The following NRG1 variants were observed in gnomAD, a reference collection of about 807,000 sequenced individuals.
NRG1 encodes the protein neuregulin 1.
NRG1 carries 18 observed loss-of-function variants against 63.8 expected under a neutral mutation model. The ratio of observed to expected loss-of-function variants is 0.28; its 90% CI spans 0.19 to 0.42. The LOEUF is 0.42. Ranked by LOEUF, NRG1 falls within the 10% of genes least tolerant of loss-of-function variation. NRG1 has a pLI of 1.00. For missense variants in NRG1, 762 were observed against 814.7 expected (o/e 0.94, Z 0.79); for synonymous variants, 302 against 301.3 (o/e 1.00, Z -0.02).
intron 5 of NRG1, among the ~76,000 whole-genome samples, chr8:32,657,562 G>T (rs1297211023): frequency 1.3e-5 from 2 of 152,156 alleles, no homozygotes; most frequent in African/African-American, 4.8e-5. Context: ...ATGACTTTCA[G>T]TGTTGCCTCT....
intron 1 of NRG1, among the ~76,000 whole-genome samples, chr8:31,673,076 C>T (rs1585564916): frequency 6.6e-6 from 1 of 151,700 alleles, no homozygotes. Context: ...ATCAAAATTC[C>T]TTCTCTTTCT....
chr8:32,440,163 G>A (rs1257378816), intron 1 of NRG1, among the ~76,000 whole-genome samples: 2 of 151,970 alleles, frequency 1.3e-5, no homozygotes, highest in African/African-American at 2.4e-5. Flanking sequence ...ATCAGATCTC[G>A]AGATAACTCA....
chr8:32,755,220 A>G (rs905234544), intron 8 of NRG1, among the ~76,000 whole-genome samples: 1 of 152,150 alleles, frequency 6.6e-6, no homozygotes, highest in African/African-American at 2.4e-5. Flanking sequence ...TAACAAATTC[A>G]ATTACTATGT....
At chr8:32,296,979 G>A (rs1854966332) in intron 1 of NRG1, among the ~76,000 whole-genome samples, 1 of 151,968 alleles carries the variant, frequency 6.6e-6, no homozygotes, top group Non-Finnish European at 1.5e-5. Flanking sequence ...GCTGGGCGTG[G>A]TGGCCCGCAC....
intron 1 of NRG1, among the ~76,000 whole-genome samples, chr8:31,681,784 G>C (rs992715531): frequency 6.6e-6 from 1 of 151,284 alleles, no homozygotes; most frequent in Admixed American, 6.6e-5. Flanking sequence ...TACTTGCTTG[G>C]AAAATTTTAG....
intron 1 of NRG1, chr8:32,441,244 A>G (rs1391827642): frequency 6.6e-6 from 1 of 152,152 alleles, no homozygotes; most frequent in Non-Finnish European, 1.5e-5. Context: ...TCTATGAACA[A>G]CCAGATGCAA....
intron 1 of NRG1, among the ~76,000 whole-genome samples, chr8:32,273,584 C>T (rs1055229843): frequency 2.0e-5 from 3 of 152,142 alleles, no homozygotes; most frequent in African/African-American, 7.2e-5. Context: ...AATTAAAGCA[C>T]CATTTGAGAA....
In NRG1 at chr8:32,760,409, A is replaced by C. The variant is rs200312886; in HGVS notation, c.1259+3A>C. ...CGAGACTCTCCTCATAGTGAAAGGT[A>C]AAACCGAAGGGCAAAGCTACTGCAG... is the stretch of plus-strand genomic sequence containing the variant. On this transcript the variant is annotated splice_donor_region_variant and intron_variant, in intron 11 of 11. Coordinates refer to ENST00000356819, the Ensembl canonical transcript of NRG1. 6.2e-7 allele frequency: 1 copy of C among 1,613,330 alleles called. No homozygotes were observed. The highest frequency in any genetic ancestry group is 8.5e-7 in the Non-Finnish European group (1 of 1,179,872).
At position 32,631,170 on chromosome 8, in the gene NRG1, A is replaced by T. The variant is rs373745072; in HGVS notation, c.502+14285A>T. On this transcript the variant is annotated intron_variant, in intron 5 of 11. Coordinates refer to ENST00000356819, the Ensembl canonical transcript of NRG1. The stretch of plus-strand genomic sequence containing the variant: ...ACAGATACTGTAGTAACTTTTTTTA[A>T]AAAAAAGAATGTATTATTGTAATTA... Among the ~76,000 whole-genome samples the T allele has an allele frequency of 2.5e-4, 35 of 139,256 alleles. No individual in the cohort carries two copies. The South Asian group carries it at 6.4e-3, about 25-fold the overall frequency. The allele number at this position is 139,256 out of a possible 152,430, so 91.4% of individuals were successfully genotyped here.
chr8:32,412,449 T>TAC lies in NRG1; in HGVS notation c.38-183378_38-183377insCA, dbSNP rs1252011891. ...ATATATATATATATATATATATATA[T>TAC]ATACATATATATATATATATATATA... On this transcript the variant is annotated intron_variant, in intron 1 of 10. Coordinates refer to the NRG1 transcript ENST00000519301. Among the ~76,000 whole-genome samples, 170 of 61,344 alleles carry TAC rather than the reference T, an allele frequency of 2.8e-3. 1 individual carries two copies. The highest frequency in any genetic ancestry group is 4.5e-3 in the Admixed American group (24 of 5,310). 40.2% of individuals were successfully genotyped at this position (61,344 alleles called of 152,430 possible). A position where few individuals can be genotyped will look rare whatever the true frequency, so the allele number is the denominator to read the frequency against.
intron 1 of NRG1, among the ~76,000 whole-genome samples, chr8:31,836,918 C>T (rs946477334): frequency 5.3e-5 from 8 of 152,042 alleles, no homozygotes; most frequent in African/African-American, 1.9e-4. Context: ...AATCTCTATG[C>T]CTTCATCAAC....
At chr8:32,450,007 C>T (rs1033631336) in intron 1 of NRG1, among the ~76,000 whole-genome samples, 1 of 152,032 alleles carries the variant, frequency 6.6e-6, no homozygotes, top group Non-Finnish European at 1.5e-5. Flanking sequence ...AAGAGATCAT[C>T]GGAGCCAAAG....
chr8:32,382,385 G>A (rs1480657048), intron 1 of NRG1, among the ~76,000 whole-genome samples: 1 of 152,092 alleles, frequency 6.6e-6, no homozygotes, highest in African/African-American at 2.4e-5. Flanking sequence ...TGATTTCTGG[G>A]TTCAGAAGAT....
chr8:32,462,793 A>G (rs1822489927), intron 1 of NRG1, among the ~76,000 whole-genome samples: 1 of 151,732 alleles, frequency 6.6e-6, no homozygotes, highest in African/African-American at 2.4e-5. Context: ...GGGTAGAGAC[A>G]GGGTTTCACC....
At chr8:32,713,707 TA>T (rs1225801211) in intron 5 of NRG1, among the ~76,000 whole-genome samples, 2 of 146,792 alleles carry the variant, frequency 1.4e-5, no homozygotes, top group African/African-American at 4.9e-5. Context: ...TAAATATATA[TA>T]ATAATATATT....
chr8:31,715,334 T>C (rs1047445367), intron 1 of NRG1, among the ~76,000 whole-genome samples: 7 of 152,022 alleles, frequency 4.6e-5, no homozygotes, highest in African/African-American at 1.7e-4. Context: ...AAAGAAAAAA[T>C]GAATCAATTT....
intron 1 of NRG1, among the ~76,000 whole-genome samples, chr8:31,675,778 T>C (rs1284606841): frequency 1.3e-5 from 2 of 152,166 alleles, no homozygotes; most frequent in Non-Finnish European, 2.9e-5. Context: ...CTTCCATAAA[T>C]ATGATCACAT....
At chr8:31,715,880 A>T (rs1233548224) in intron 1 of NRG1, among the ~76,000 whole-genome samples, 4 of 152,238 alleles carry the variant, frequency 2.6e-5, no homozygotes, top group Admixed American at 2.6e-4. Flanking sequence ...TTTACCTGAC[A>T]TATGAATTAT....
intron 1 of NRG1, among the ~76,000 whole-genome samples, chr8:32,302,392 GA>G (rs1213803630): frequency 6.6e-6 from 1 of 152,170 alleles, no homozygotes; most frequent in African/African-American, 2.4e-5. Flanking sequence ...AGGTCAGTGG[GA>G]AAAGGGAGAA....
Sources: gnomAD v4.1 joint callset for allele counts (sites outside exome capture counted in the v4.1 genomes callset) on GRCh38, gnomAD v4.1.1 for gene constraint, MANE v1.5 for transcripts, NCBI Gene and HGNC (gene_info 2026-07-23, HGNC 2026-07-21) for gene names.